The following FILIP1L variants were observed in gnomAD, a reference collection of about 807,000 sequenced individuals.
The protein encoded by FILIP1L is filamin A interacting protein 1 like.
Under a neutral mutation model 96.6 loss-of-function variants are expected in FILIP1L, and 55 were observed. The ratio of observed to expected loss-of-function variants is 0.57; its 90% CI spans 0.46 to 0.71. FILIP1L has a LOEUF of 0.71. Among genes scored for constraint, FILIP1L ranks in the 30% least tolerant of loss-of-function variants. FILIP1L has a pLI of 0.00. For synonymous variants in FILIP1L, 467 were observed against 473.9 expected, an observed-to-expected ratio of 0.99 and a Z score of 0.19; for missense variants, 1,304 against 1,321.2, an observed-to-expected ratio of 0.99 and a Z score of 0.20.
chr3:100,003,034 G>A (rs1026009830), intron 1 of FILIP1L, among the ~76,000 whole-genome samples: 3 of 152,116 alleles, frequency 2.0e-5, no homozygotes, highest in East Asian at 3.9e-4. Flanking sequence ...ATTTACCTGC[G>A]AATTATCTCT....
rs193184223 is a variant in FILIP1L at position 99,932,200 on chromosome 3, G to A, written c.-10-1170C>T. On this transcript the variant is annotated intron_variant, in intron 1 of 5. Coordinates refer to ENST00000477258, the MANE Select transcript of FILIP1L (RefSeq NM_001387850.1). ...CTTCTCCTCCCTTCCCACTCCAGAA[G>A]TAACCACGTAATCTTGAATTTGGTA... 1.5e-3 allele frequency among the ~76,000 whole-genome samples: 224 copies of A among 152,168 alleles called. 1 individual carries two copies. The highest frequency in any genetic ancestry group is 2.4e-3 in the Non-Finnish European group (162 of 68,004).
At chr3:99,994,252 C>CT (rs1256548473) in intron 1 of FILIP1L, among the ~76,000 whole-genome samples, 1 of 152,006 alleles carries the variant, frequency 6.6e-6, no homozygotes, top group Non-Finnish European at 1.5e-5. Flanking sequence ...ATTACTAGAC[C>CT]TAAAGAAAGA....
chr3:99,966,546 CAATT>C (rs1274341724), intron 1 of FILIP1L, among the ~76,000 whole-genome samples: 1 of 152,188 alleles, frequency 6.6e-6, no homozygotes, highest in Non-Finnish European at 1.5e-5. Flanking sequence ...TCATCACTAA[CAATT>C]AACTTTATAA....
intron 1 of FILIP1L, among the ~76,000 whole-genome samples, chr3:100,057,293 A>C (rs1199893613): frequency 6.6e-6 from 1 of 152,222 alleles, no homozygotes; most frequent in Non-Finnish European, 1.5e-5. Flanking sequence ...GAAAGCAGTG[A>C]GATGTTACTT....
intron 1 of FILIP1L, among the ~76,000 whole-genome samples, chr3:99,983,446 G>GTGTA (rs1559713575): frequency 1.1e-5 from 1 of 87,810 alleles, no homozygotes; most frequent in African/African-American, 5.5e-5. Context: ...ATATATGTAT[G>GTGTA]TATATATATA....
intron 1 of FILIP1L, among the ~76,000 whole-genome samples, chr3:100,046,809 C>T (rs1288169102): frequency 6.6e-6 from 1 of 152,094 alleles, no homozygotes; most frequent in African/African-American, 2.4e-5. Context: ...AATACCTCAG[C>T]CAGGGCCTAA....
intron 1 of FILIP1L, among the ~76,000 whole-genome samples, chr3:99,987,611 C>A (rs755844504): frequency 3.3e-5 from 5 of 151,820 alleles, no homozygotes; most frequent in African/African-American, 9.7e-5. Context: ...AACCCTCTGG[C>A]CTTAATCTTA....
intron 1 of FILIP1L, among the ~76,000 whole-genome samples, chr3:100,017,886 G>T (rs1710391359): frequency 6.6e-6 from 1 of 152,096 alleles, no homozygotes; most frequent in African/African-American, 2.4e-5. Context: ...TAACTACATC[G>T]CCAGTTTTCC....
At chr3:99,904,009 C>T (rs1420275667) in intron 4 of FILIP1L, among the ~76,000 whole-genome samples, 1 of 152,186 alleles carries the variant, frequency 6.6e-6, no homozygotes, top group African/African-American at 2.4e-5. Context: ...GGAAGAGTAA[C>T]TGTTGAGATA....
intron 1 of FILIP1L, among the ~76,000 whole-genome samples, chr3:100,034,718 G>A (rs898795585): frequency 5.3e-5 from 8 of 152,174 alleles, no homozygotes; most frequent in Admixed American, 4.6e-4. Flanking sequence ...ACACCTGCTT[G>A]AAATAATGTT....
intron 1 of FILIP1L, among the ~76,000 whole-genome samples, chr3:99,987,281 C>A (rs1409290888): frequency 6.6e-6 from 1 of 151,014 alleles, no homozygotes; most frequent in Non-Finnish European, 1.5e-5. Context: ...GTAATCCCAG[C>A]ATTTTGGGAG....
chr3:100,098,978 G>A (rs2066259881), intron 1 of FILIP1L, among the ~76,000 whole-genome samples: 1 of 152,164 alleles, frequency 6.6e-6, no homozygotes, highest in African/African-American at 2.4e-5. Flanking sequence ...CATGGGATGT[G>A]GAGTAGAGTG....
At chr3:99,964,086 A>G (rs1708573615) in intron 1 of FILIP1L, among the ~76,000 whole-genome samples, 1 of 152,048 alleles carries the variant, frequency 6.6e-6, no homozygotes, top group Non-Finnish European at 1.5e-5. Flanking sequence ...TTAAATAAAA[A>G]CAGAGGGCAT....
At chr3:99,853,712 AT>A (rs1256431383) in intron 4 of FILIP1L, among the ~76,000 whole-genome samples, 1 of 152,174 alleles carries the variant, frequency 6.6e-6, no homozygotes, top group African/African-American at 2.4e-5. Flanking sequence ...CTGTCTGATT[AT>A]TTGAATGCAT....
intron 1 of FILIP1L, among the ~76,000 whole-genome samples, chr3:100,106,219 A>G (rs574682565): frequency 6.6e-6 from 1 of 152,280 alleles, no homozygotes; most frequent in East Asian, 1.9e-4. Flanking sequence ...TACAGCCAGG[A>G]TACCATTATG....
At chr3:99,898,808 G>A (rs1425789800) in intron 4 of FILIP1L, 2 of 149,592 alleles carry the variant, frequency 1.3e-5, no homozygotes, top group African/African-American at 4.9e-5. Context: ...CATCATCCTA[G>A]CAGTTTTGTT....
At chr3:99,990,499 A>G (rs910814736) in intron 1 of FILIP1L, among the ~76,000 whole-genome samples, 2 of 152,220 alleles carry the variant, frequency 1.3e-5, no homozygotes, top group Non-Finnish European at 2.9e-5. Flanking sequence ...AAGTCAAACT[A>G]ACAAATGTGT....
intron 1 of FILIP1L, chr3:100,023,622 C>CTA (rs2064864871): frequency 6.6e-6 from 1 of 152,340 alleles, no homozygotes. Context: ...ATTATTTGCT[C>CTA]TAATAATGTA....
Position 99,915,265 on chromosome 3 carries a change from A to C in FILIP1L, c.605+8965T>G, listed in dbSNP as rs552330465. 2.0e-5 allele frequency among the ~76,000 whole-genome samples: 3 copies of C among 152,322 alleles called. No homozygotes were observed. In the East Asian group the frequency reaches 5.8e-4, roughly 29 times the overall value. ...GAAAATAATAGATTAAAATGTAGCC[A>C]ACTTTTCCTACATTTCATTCACTCA... is the stretch of plus-strand genomic sequence containing the variant. On this transcript the variant is annotated intron_variant, in intron 4 of 5. Transcript: ENST00000477258.
Sources: allele counts gnomAD v4.1 joint callset (sites outside exome capture counted in the v4.1 genomes callset), GRCh38; gene constraint gnomAD v4.1.1; transcripts MANE v1.5; gene names NCBI Gene and HGNC (gene_info 2026-07-23, HGNC 2026-07-21).